Variants in RNF17 observed in about 807,000 individuals in gnomAD.
The protein encoded by RNF17 is spermatogenesis associated 23.
Under a neutral mutation model 200.5 loss-of-function variants are expected in RNF17, and 31 were observed. That is an observed-to-expected ratio of 0.15 (90% CI 0.12 to 0.21). The LOEUF is 0.21. Among genes scored for constraint, RNF17 ranks in the 10% least tolerant of loss-of-function variants. RNF17 has a pLI of 1.00. For missense variants in RNF17, 1,628 were observed against 1,905.1 expected, an observed-to-expected ratio of 0.85 and a Z score of 2.71; for synonymous variants, 606 against 637.8, an observed-to-expected ratio of 0.95 and a Z score of 0.75.
intron 16 of RNF17, among the ~76,000 whole-genome samples, chr13:24,828,611 A>G (rs1040128211): frequency 7.0e-6 from 1 of 143,840 alleles, no homozygotes; most frequent in Non-Finnish European, 1.5e-5. Context: ...TCTCTTTTCT[A>G]TAGTTGTATC....
chr13:24,778,504 G>A (rs140867408), intron 4 of RNF17, 98 bp downstream of exon 4: 6 of 815,806 alleles, frequency 7.4e-6, no homozygotes, highest in Non-Finnish European at 1.0e-5. Context: ...GATTCTTTTG[G>A]AAGTTTATAC....
chr13:24,815,861 G>A (rs866576898), intron 15 of RNF17, among the ~76,000 whole-genome samples: 1 of 152,076 alleles, frequency 6.6e-6, no homozygotes, highest in African/African-American at 2.4e-5. Context: ...CTGTCAATGT[G>A]GTGTATTACA....
At chr13:24,761,647 A>C (rs150483285), upstream of RNF17, among the ~76,000 whole-genome samples, 2,235 of 152,358 alleles carry the variant, frequency 0.015, 62 homozygotes, top group African/African-American at 0.051. Flanking sequence ...CTCCAAGGCC[A>C]TTAAGGTTTT....
chr13:24,855,440 C>CA (rs1325778303), intron 25 of RNF17, among the ~76,000 whole-genome samples: 1 of 152,012 alleles, frequency 6.6e-6, no homozygotes, highest in African/African-American at 2.4e-5. Context: ...CCAGCCTGGC[C>CA]AACATGGTGA....
the RNF17 span, among the ~76,000 whole-genome samples, chr13:24,887,393 T>TAC: frequency 6.6e-6 from 1 of 152,230 alleles, no homozygotes; most frequent in African/African-American, 2.4e-5. Flanking sequence ...CATCTGTATT[T>TAC]ACAGCAGCTC....
intron 18 of RNF17, among the ~76,000 whole-genome samples, chr13:24,833,420 T>C (rs912554558): frequency 6.6e-6 from 1 of 152,242 alleles, no homozygotes; most frequent in African/African-American, 2.4e-5. Flanking sequence ...CTAGCTTCTC[T>C]GAAATGAACA....
At chr13:24,797,634 G>A (rs910897794) in intron 11 of RNF17, among the ~76,000 whole-genome samples, 5 of 151,376 alleles carry the variant, frequency 3.3e-5, no homozygotes, top group Admixed American at 6.6e-5. Context: ...AGATGCACAC[G>A]TTAGGTTAAT....
rs760749096 is a variant in RNF17 at position 24,781,850 on chromosome 13, G to A, written c.517G>A (p.Glu173Lys). The change falls in exon 6 of 36, where the codon GAA becomes AAA. Residue 173 changes from glutamate (E) to lysine (K), a missense_variant. This residue lies in a region of RNF17 where 502 missense variants were observed against 501.7 expected (regional missense o/e 1.00). Transcript: ENST00000255324. ...TTGTTTTTTTTTTTTCCAGGCACTT[G>A]AACACATGCAGAAGCAAACGATAGA... is the stretch of plus-strand genomic sequence containing the variant. ...EQLSIAGKALEHMQKQTIEER... is the reference protein window; with the variant it reads ...EQLSIAGKALKHMQKQTIEER... 3 of 1,592,834 alleles carry A rather than the reference G, an allele frequency of 1.9e-6. No homozygotes were observed. The highest frequency in any genetic ancestry group is 2.7e-5 in the African/African-American group (2 of 72,920).
intron 19 of RNF17, 92 bp from the exon 20 acceptor site, chr13:24,843,652 A>AT: frequency 4.2e-6 from 3 of 716,398 alleles, no homozygotes; most frequent in Non-Finnish European, 7.0e-6. Context: ...AAATAGTCAT[A>AT]TAAGTATCAT....
intron 22 of RNF17, 51 bp downstream of exon 22, chr13:24,845,130 GT>G: frequency 1.1e-6 from 1 of 910,798 alleles, no homozygotes; most frequent in Non-Finnish European, 1.7e-6. Context: ...TTTTAAATGC[GT>G]TCTCGTCAGT....
At chr13:24,775,410 C>T (rs1881419504) in intron 3 of RNF17, among the ~76,000 whole-genome samples, 1 of 152,084 alleles carries the variant, frequency 6.6e-6, no homozygotes, top group African/African-American at 2.4e-5. Context: ...CCACCATGCA[C>T]AGCTAATTTT....
chr13:24,867,096 A>G (rs1435719851), intron 30 of RNF17, among the ~76,000 whole-genome samples: 1 of 152,108 alleles, frequency 6.6e-6, no homozygotes, highest in Non-Finnish European at 1.5e-5. Context: ...TATTTGAGTT[A>G]TTTATCTTTT....
chr13:24,853,584 A>G (rs1462618126), intron 24 of RNF17, among the ~76,000 whole-genome samples: 9 of 152,196 alleles, frequency 5.9e-5, no homozygotes, highest in Admixed American at 5.9e-4. Flanking sequence ...AATTCATTGT[A>G]CAATGCTTGA....
intron 13 of RNF17, among the ~76,000 whole-genome samples, chr13:24,802,139 C>T (rs1287461452): frequency 6.6e-6 from 1 of 152,134 alleles, no homozygotes; most frequent in Non-Finnish European, 1.5e-5. Flanking sequence ...GCACCTGCCA[C>T]CACGCCCCGC....
At position 24,793,171 on chromosome 13, in the gene RNF17, T is replaced by C; in HGVS notation, c.1065T>C (p.Ser355=). 17 of 1,614,112 alleles carry C rather than the reference T, an allele frequency of 1.1e-5. No individual in the cohort carries two copies. The highest frequency in any genetic ancestry group is 1.4e-5 in the Non-Finnish European group (17 of 1,179,970). The change falls in exon 10 of 36, where the codon AGT becomes AGC. Residue 355 remains serine, a synonymous_variant. Transcript: ENST00000255324. The stretch of plus-strand genomic sequence containing the variant: ...AGGTTGACATGTCTGTCCTAACCAG[T>C]GAAGCACCACCACCTCCTTTGCAAC... ...KKKVDMSVLT[S]EAPPPPLQPE...
chr13:24,795,638 C>T (rs932916555), intron 10 of RNF17, among the ~76,000 whole-genome samples: 2 of 152,130 alleles, frequency 1.3e-5, no homozygotes, highest in Non-Finnish European at 2.9e-5. Flanking sequence ...CATTTTTTCA[C>T]ATCTGATTTA....
At chr13:24,811,222 T>C (rs1301384401) in intron 15 of RNF17, among the ~76,000 whole-genome samples, 1 of 151,460 alleles carries the variant, frequency 6.6e-6, no homozygotes, top group Non-Finnish European at 1.5e-5. Flanking sequence ...TCCTGGATAA[T>C]ATCCTGCAGA....
intron 3 of RNF17, among the ~76,000 whole-genome samples, chr13:24,777,356 T>C (rs1484995469): frequency 2.6e-5 from 4 of 152,250 alleles, no homozygotes; most frequent in Non-Finnish European, 5.9e-5. Flanking sequence ...TACTGTGTGC[T>C]AGCCAATATG....
chr13:24,835,771 A>AC (rs1056986427), intron 18 of RNF17, among the ~76,000 whole-genome samples: 4 of 151,972 alleles, frequency 2.6e-5, no homozygotes, highest in South Asian at 2.1e-4. Context: ...GCTCTTCAAT[A>AC]CCCCCCCAAA....
Sources: gnomAD v4.1 joint callset for allele counts (sites outside exome capture counted in the v4.1 genomes callset) on GRCh38, gnomAD v4.1.1 for gene constraint, gnomAD v4.1.1 regional missense constraint, MANE v1.5 for transcripts, NCBI Gene and HGNC (gene_info 2026-07-23, HGNC 2026-07-21) for gene names.